PCDH11X: variants seen among roughly 807,000 people sequenced by gnomAD.
PCDH11X encodes the protein protocadherin 11 X-linked.
Under a neutral mutation model 53.3 loss-of-function variants are expected in PCDH11X, and 18 were observed. The observed-to-expected ratio is 0.34, with a 90% CI of 0.23 to 0.50. The LOEUF (loss-of-function observed/expected upper bound fraction) is 0.50. PCDH11X is among the 20% of genes least tolerant of loss of function. The pLI, the probability that PCDH11X is intolerant of heterozygous loss-of-function variation, is 0.98. For missense variants in PCDH11X, 570 were observed against 1,032.4 expected (o/e 0.55, Z 6.14); for synonymous variants, 279 against 393.3 (o/e 0.71, Z 3.44).
At chrX:91,822,716 C>G (rs1342067867) in intron 4 of PCDH11X, among the ~76,000 whole-genome samples, 1 of 109,440 alleles carries the variant, frequency 9.1e-6, no homozygotes, top group African/African-American at 3.3e-5. Context: ...CTTCTGCTAG[C>G]TTTTGAATGT....
rs762059770 is a variant in PCDH11X at position 92,294,551 on chromosome X, T to C, written c.3144+31408T>C. Among the ~76,000 whole-genome samples the C allele has an allele frequency of 4.4e-5, 5 of 112,402 alleles. No individual in the cohort carries two copies. In the South Asian group the frequency reaches 1.8e-3, roughly 41 times the overall value. ...TCTTAATCTCCTTGAAATATGCTCA[T>C]TAATTAAGAAGACAGCTACACAAAA... On this transcript the variant is annotated intron_variant, in intron 8 of 10. Transcript: ENST00000682573.
chrX:92,419,964 G>T (rs1241956437), intron 9 of PCDH11X, among the ~76,000 whole-genome samples: 1 of 110,937 alleles, frequency 9.0e-6, no homozygotes, highest in Non-Finnish European at 1.9e-5. Flanking sequence ...ACAGGCGTGA[G>T]CCACCACGCC....
intron 10 of PCDH11X, among the ~76,000 whole-genome samples, chrX:92,556,185 C>T (rs1053224769): frequency 9.0e-6 from 1 of 110,817 alleles, no homozygotes; most frequent in African/African-American, 3.3e-5. Context: ...GAGACACAGC[C>T]AAACCACACA....
intron 6 of PCDH11X, among the ~76,000 whole-genome samples, chrX:92,050,714 T>A: frequency 9.1e-6 from 1 of 110,308 alleles, no homozygotes; most frequent in Non-Finnish European, 1.9e-5. Flanking sequence ...ACCTTTATAT[T>A]CCGAGTACCT....
chrX:91,822,569 T>C (rs1157896016), intron 4 of PCDH11X, among the ~76,000 whole-genome samples: 3 of 107,800 alleles, frequency 2.8e-5, no homozygotes, highest in Non-Finnish European at 5.7e-5. Context: ...TCTCTTTTTT[T>C]CTTTATTAGT....
At chrX:92,414,120 G>T (rs1252237237) in intron 9 of PCDH11X, among the ~76,000 whole-genome samples, 7 of 107,501 alleles carry the variant, frequency 6.5e-5, no homozygotes, top group Non-Finnish European at 1.3e-4. Flanking sequence ...TGAAAGGGTT[G>T]GTTTCTGTTT....
At chrX:92,517,661 A>G (rs1404984568) in intron 10 of PCDH11X, among the ~76,000 whole-genome samples, 1 of 110,448 alleles carries the variant, frequency 9.1e-6, no homozygotes, top group Non-Finnish European at 1.9e-5. Flanking sequence ...CTAAATATAT[A>G]TAGCATTAAT....
chrX:91,808,504 A>AG (rs1467415077), intron 1 of PCDH11X, among the ~76,000 whole-genome samples: 2 of 109,644 alleles, frequency 1.8e-5, no homozygotes, highest in African/African-American at 6.7e-5. Flanking sequence ...CAAGAAAAAA[A>AG]AAAAAGAGAG....
intron 8 of PCDH11X, among the ~76,000 whole-genome samples, chrX:92,288,232 G>T (rs394756): frequency 0.39 from 42,506 of 109,361 alleles, 7,090 homozygotes; most frequent in Non-Finnish European, 0.53. Context: ...GCCATTTCTG[G>T]GAATTTTAGC....
chrX:92,252,321 C>A (rs1401886029), intron 7 of PCDH11X, among the ~76,000 whole-genome samples: 1 of 110,302 alleles, frequency 9.1e-6, no homozygotes, highest in Admixed American at 9.6e-5. Flanking sequence ...AGGTATTCCA[C>A]ATGGAATACC....
rs1199306159 is a variant in PCDH11X, at chrX:91,876,898, A to G, written c.658A>G (p.Lys220Glu). Residue 220 changes from lysine to glutamate, a missense_variant, in exon 6 of 11, where the codon AAG becomes GAG. Around this residue, in one of 6 missense-constraint regions of PCDH11X, gnomAD observed 15 missense variants for 28.4 expected, o/e 0.53. Transcript: ENST00000682573. ...EEKDTYVMKVKVEDGGFPQRS... is the reference protein window; with the variant it reads ...EEKDTYVMKVEVEDGGFPQRS... ...GAAGGATACCTACGTGATGAAAGTA[A>G]AGGTTGAAGATGGTGGCTTTCCTCA... The G allele has an allele frequency of 2.5e-6, 3 of 1,211,083 alleles. No individual in the cohort carries two copies. The highest frequency in any genetic ancestry group is 1.7e-5 in the African/African-American group (1 of 57,608).
At chrX:92,591,863 G>A (rs998778771) in intron 10 of PCDH11X, among the ~76,000 whole-genome samples, 1 of 110,592 alleles carries the variant, frequency 9.0e-6, no homozygotes, top group Non-Finnish European at 1.9e-5. Context: ...GTAAATTCTT[G>A]GGAATCATGG....
At chrX:92,422,873 G>C (rs2072006257) in intron 9 of PCDH11X, among the ~76,000 whole-genome samples, 1 of 107,388 alleles carries the variant, frequency 9.3e-6, no homozygotes, top group Non-Finnish European at 1.9e-5. Flanking sequence ...TTTTGAGACG[G>C]AGTCTCACTC....
At chrX:92,475,164 CAAAAAAAAAAAAA>C (rs761171281) in intron 10 of PCDH11X, among the ~76,000 whole-genome samples, 2 of 30,541 alleles carry the variant, frequency 6.5e-5, no homozygotes, top group Admixed American at 4.8e-4. Flanking sequence ...GACTCCGTCT[CAAAAAAAAAAAAA>C]AAAAAAAAAA....
chrX:92,205,053 G>A (rs946213972), intron 7 of PCDH11X, among the ~76,000 whole-genome samples: 1 of 111,564 alleles, frequency 9.0e-6, no homozygotes, highest in Non-Finnish European at 1.9e-5. Flanking sequence ...GTTGGGTAGG[G>A]ACACAGAGTC....
intron 10 of PCDH11X, among the ~76,000 whole-genome samples, chrX:92,594,669 G>A: frequency 9.2e-6 from 1 of 109,051 alleles, no homozygotes; most frequent in Non-Finnish European, 1.9e-5. Context: ...GCACTTGAAT[G>A]CAGGTTTGTG....
intron 4 of PCDH11X, among the ~76,000 whole-genome samples, chrX:91,827,315 T>A (rs1292144614): frequency 1.8e-5 from 2 of 111,562 alleles, no homozygotes; most frequent in Admixed American, 9.5e-5. Flanking sequence ...GGGTTGTTTT[T>A]TTCTTGTAAA....
At chrX:92,149,735 T>G (rs958703688) in intron 6 of PCDH11X, among the ~76,000 whole-genome samples, 1 of 110,941 alleles carries the variant, frequency 9.0e-6, no homozygotes, top group African/African-American at 3.3e-5. Flanking sequence ...CATACCCTTT[T>G]GCAATACTTT....
Position 92,503,766 on chromosome X carries a change from G to A in PCDH11X, c.3367+35444G>A, listed in dbSNP as rs776401747. 9.0e-5 allele frequency among the ~76,000 whole-genome samples: 10 copies of A among 110,972 alleles called. No individual in the cohort carries two copies. The East Asian group carries it at 2.3e-3, about 25-fold the overall frequency. ...TCAGGAAGAACAGCTAATGGATGCC[G>A]GGCTTAATATCTGGGTGATGGGATA... On this transcript the variant is annotated intron_variant, in intron 10 of 10. Coordinates refer to ENST00000682573, the MANE Select transcript of PCDH11X (RefSeq NM_032968.5).
Sources: gnomAD v4.1 joint callset for allele counts (sites outside exome capture counted in the v4.1 genomes callset) on GRCh38, gnomAD v4.1.1 for gene constraint, gnomAD v4.1.1 regional missense constraint, MANE v1.5 for transcripts, NCBI Gene and HGNC (gene_info 2026-07-23, HGNC 2026-07-21) for gene names.